The following BTG4 variants were observed in gnomAD, a reference collection of about 807,000 sequenced individuals.
BTG4 encodes the protein protein BTG4.
In BTG4, 10 loss-of-function variants were observed where a neutral mutation model predicts 19.3. The observed-to-expected ratio is 0.52, with a 90% confidence interval of 0.32 to 0.88. The LOEUF (loss-of-function observed/expected upper bound fraction) is 0.88, where lower values mean the gene tolerates loss of function less well. BTG4 is among the 40% of genes least tolerant of loss of function. The pLI, the probability that BTG4 is intolerant of heterozygous loss-of-function variation, is 0.04. For synonymous variants in BTG4, 91 were observed against 95.7 expected (o/e 0.95, Z 0.29); for missense variants, 238 against 281.9 (o/e 0.84, Z 1.11).
At chr11:111,435,523 A>C in the BTG4 span, among the ~76,000 whole-genome samples, 2,763 of 152,230 alleles carry the variant, frequency 0.018, 97 homozygotes, top group African/African-American at 0.063. Flanking sequence ...TTATAAATGG[A>C]GGCAGGCGAG....
chr11:111,439,514 G>A, the BTG4 span, among the ~76,000 whole-genome samples: 54,587 of 151,414 alleles, frequency 0.36, 9,895 homozygotes, highest in Admixed American at 0.4. Context: ...GCCCCCCACC[G>A]CCCTCTACTT....
the BTG4 span, among the ~76,000 whole-genome samples, chr11:111,436,822 C>T: frequency 7.9e-5 from 12 of 152,088 alleles, no homozygotes; most frequent in South Asian, 4.1e-4. Flanking sequence ...AAGGCGCCCT[C>T]GAGCGAGCGC....
At chr11:111,438,087 G>A in the BTG4 span, among the ~76,000 whole-genome samples, 3 of 152,220 alleles carry the variant, frequency 2.0e-5, no homozygotes, top group Non-Finnish European at 4.4e-5. Context: ...CTGAGAAGCA[G>A]TTGTAGATGC....
intron 5 of BTG4, among the ~76,000 whole-genome samples, chr11:111,480,445 C>T (rs1343336458): frequency 6.6e-6 from 1 of 151,972 alleles, no homozygotes; most frequent in Non-Finnish European, 1.5e-5. Context: ...GAACTCGACA[C>T]CATCAATCAA....
At chr11:111,504,289 A>G (rs1458302955) in intron 1 of BTG4, among the ~76,000 whole-genome samples, 1 of 152,150 alleles carries the variant, frequency 6.6e-6, no homozygotes. Context: ...GCCACATAAA[A>G]GGAAGTTACA....
At chr11:111,403,663 C>A in the BTG4 span, among the ~76,000 whole-genome samples, 2 of 152,146 alleles carry the variant, frequency 1.3e-5, no homozygotes, top group Non-Finnish European at 1.5e-5. Context: ...GAGTGGGTGA[C>A]AAATTAAGCC....
At chr11:111,503,722 C>T (rs1866252314) in intron 1 of BTG4, among the ~76,000 whole-genome samples, 1 of 152,088 alleles carries the variant, frequency 6.6e-6, no homozygotes, top group African/African-American at 2.4e-5. Context: ...ATGCCTGTAA[C>T]AGAGAATCAA....
chr11:111,405,336 G>A, the BTG4 span, among the ~76,000 whole-genome samples: 1,747 of 148,166 alleles, frequency 0.012, 48 homozygotes, highest in African/African-American at 0.042. Flanking sequence ...CCTGGGAGGC[G>A]GAGGGTGTGG....
the BTG4 span, among the ~76,000 whole-genome samples, chr11:111,398,844 A>C: frequency 6.6e-6 from 1 of 151,826 alleles, no homozygotes; most frequent in African/African-American, 2.4e-5. Flanking sequence ...CATTTCATAA[A>C]CGTATCATAA....
Position 111,495,219 on chromosome 11 carries a change from G to A in BTG4, c.606C>T (p.Tyr202=). The change falls in exon 5 of 5, where the codon TAC becomes TAT. Residue 202 remains tyrosine (Y), a synonymous_variant. Transcript: ENST00000692032. ...DGRVGLLGNT[Y]HGSQKHPKCY... The stretch of plus-strand genomic sequence containing the variant: ...ACTTAGGATGCTTCTGCGAGCCATG[G>A]TAAGTGTTTCCCAGGAGGCCAACAC... 1 of 1,612,868 alleles carries A rather than the reference G, an allele frequency of 6.2e-7. No homozygotes were observed. Among genetic ancestry groups the A allele is most frequent in the East Asian group, 2.2e-5 (1 of 44,830 alleles).
intron 4 of BTG4, 103 bp downstream of exon 4, chr11:111,497,108 T>C: frequency 8.4e-7 from 1 of 1,190,876 alleles, no homozygotes; most frequent in South Asian, 1.4e-5. Context: ...ATCTACAGTT[T>C]TGTTCTTTCC....
the BTG4 span, among the ~76,000 whole-genome samples, chr11:111,403,850 G>A: frequency 2.0e-5 from 3 of 152,306 alleles, 1 homozygote; most frequent in South Asian, 6.2e-4. Flanking sequence ...GTAGCAATGT[G>A]AGGATATTAG....
At chr11:111,494,756 T>G, downstream of BTG4, 1 of 486,312 alleles carries the variant, frequency 2.1e-6, no homozygotes, top group Non-Finnish European at 2.7e-6. Context: ...GGGAGACCCC[T>G]TCTTTACAAA....
intron 5 of BTG4, among the ~76,000 whole-genome samples, chr11:111,476,734 G>C (rs987811180): frequency 2.6e-5 from 4 of 152,070 alleles, no homozygotes; most frequent in African/African-American, 9.7e-5. Context: ...CCCATAAGAC[G>C]GGCTATGAGG....
chr11:111,416,806 T>C, the BTG4 span: 1 of 152,250 alleles, frequency 6.6e-6, no homozygotes, highest in African/African-American at 2.4e-5. Context: ...TGAGATACTG[T>C]GTAGGCCCAG....
chr11:111,427,925 G>A, the BTG4 span, among the ~76,000 whole-genome samples: 4 of 152,068 alleles, frequency 2.6e-5, no homozygotes, highest in African/African-American at 4.8e-5. Flanking sequence ...CCCCCACCCC[G>A]AACATTAGAC....
chr11:111,394,072 T>A, the BTG4 span, among the ~76,000 whole-genome samples: 1 of 152,176 alleles, frequency 6.6e-6, no homozygotes. Flanking sequence ...AAAAGGCACA[T>A]CATGAAGCCT....
chr11:111,495,269 G>A lies in BTG4; in HGVS notation c.556C>T (p.Arg186Cys), dbSNP rs140812937. 298 of 1,610,242 alleles carry A rather than the reference G, an allele frequency of 1.9e-4. No homozygotes were observed. The highest frequency in any genetic ancestry group is 2.1e-4 in the Non-Finnish European group (245 of 1,178,938). Residue 186 changes from arginine to cysteine, a missense_variant, in exon 5 of 5, where the codon CGC becomes TGC. Transcript: ENST00000692032. ...QPFQSWLQIP[R>C]KKNVVDGRVG... ...CGGCCGTCCACCACATTCTTTTTGC[G>A]GGGGATTTGTAACCAAGATTGAAAG...
downstream of BTG4, among the ~76,000 whole-genome samples, chr11:111,492,609 T>C (rs920522452): frequency 1.3e-5 from 2 of 152,172 alleles, no homozygotes; most frequent in Non-Finnish European, 2.9e-5. Flanking sequence ...TATGCCAACA[T>C]TAAATGGGAA....
Sources: gnomAD v4.1 joint callset for allele counts (sites outside exome capture counted in the v4.1 genomes callset) on GRCh38, gnomAD v4.1.1 for gene constraint, MANE v1.5 for transcripts, NCBI Gene and HGNC (gene_info 2026-07-23, HGNC 2026-07-21) for gene names.